Variants in CCDC171 observed in about 807,000 individuals in gnomAD.
CCDC171 encodes coiled-coil domain containing 171.
Under a neutral mutation model 168.2 loss-of-function variants are expected in CCDC171, and 177 were observed. The ratio of observed to expected loss-of-function variants is 1.05; its 90% CI spans 0.93 to 1.19. CCDC171 has a LOEUF of 1.19. Ranked by LOEUF, CCDC171 falls within the 50% of genes most tolerant of loss-of-function variation. CCDC171 has a pLI of 0.00. For missense variants in CCDC171, 1,991 were observed against 1,539.0 expected, an observed-to-expected ratio of 1.29 and a Z score of -4.91; for synonymous variants, 687 against 540.8, an observed-to-expected ratio of 1.27 and a Z score of -3.75.
chr9:15,774,875 G>T (rs369048406), intron 18 of CCDC171, among the ~76,000 whole-genome samples: 1 of 152,212 alleles, frequency 6.6e-6, no homozygotes, highest in African/African-American at 2.4e-5. Context: ...AACATGGTAT[G>T]TTCTCACTCA....
Position 15,612,158 on chromosome 9 carries a change from C to T in CCDC171, c.676-11109C>T, listed in dbSNP as rs150460325. 8.7e-3 allele frequency among the ~76,000 whole-genome samples: 1,328 copies of T among 152,234 alleles called. 10 individuals carry two copies. Among genetic ancestry groups the T allele is most frequent in the Non-Finnish European group, 0.014 (976 of 68,012 alleles). On this transcript the variant is annotated intron_variant, in intron 6 of 25. Transcript: ENST00000380701. ...TACATTTCTGTTTTTTATAAACTGC[C>T]TAGTTTATGGTATATCTTGTTATGG...
At chr9:15,969,273 G>A (rs557030301) in intron 25 of CCDC171, among the ~76,000 whole-genome samples, 16 of 152,314 alleles carry the variant, frequency 1.1e-4, no homozygotes, top group African/African-American at 3.6e-4. Flanking sequence ...GGACCTCTTT[G>A]TAGGTTACCA....
intron 10 of CCDC171, among the ~76,000 whole-genome samples, chr9:15,687,764 A>C (rs1407572444): frequency 2.0e-5 from 3 of 152,218 alleles, no homozygotes; most frequent in African/African-American, 7.2e-5. Flanking sequence ...TATGCCAACA[A>C]ATTAGATAAT....
chr9:15,878,688 C>G lies in CCDC171; in HGVS notation c.3600+4025C>G, dbSNP rs145782172. Among the ~76,000 whole-genome samples, 477 of 152,206 alleles carry G rather than the reference C, an allele frequency of 3.1e-3. 5 individuals carry two copies. Among genetic ancestry groups the G allele is most frequent in the Non-Finnish European group, 2.3e-3 (158 of 67,992 alleles). ...AAAGACACATGCAGGCATATGTTCA[C>G]TGTAGCACTAGTCACAATAGCAAAA... is the stretch of plus-strand genomic sequence containing the variant. On this transcript the variant is annotated intron_variant, in intron 24 of 25. Coordinates refer to ENST00000380701, the MANE Select transcript of CCDC171 (RefSeq NM_173550.4).
chr9:15,587,606 G>C (rs2041662742), intron 4 of CCDC171: 1 of 456,410 alleles, frequency 2.2e-6, no homozygotes, highest in Non-Finnish European at 4.4e-6. Context: ...ACTGATGTTG[G>C]AGGTTTCCCA....
At chr9:15,761,720 CTGAG>C (rs2056454294) in intron 18 of CCDC171, among the ~76,000 whole-genome samples, 1 of 152,152 alleles carries the variant, frequency 6.6e-6, no homozygotes. Flanking sequence ...CACAATCTGA[CTGAG>C]TATCGTTTCT....
chr9:15,565,232 G>T (rs2039636614), intron 2 of CCDC171, among the ~76,000 whole-genome samples: 1 of 151,938 alleles, frequency 6.6e-6, no homozygotes, highest in East Asian at 1.9e-4. Context: ...GGGATTATAG[G>T]CGCCTGCTGC....
chr9:15,648,784 G>C (rs1161157062), intron 7 of CCDC171, among the ~76,000 whole-genome samples: 1 of 152,128 alleles, frequency 6.6e-6, no homozygotes. Flanking sequence ...CATGCTCATG[G>C]ATAGGAAGAA....
the CCDC171 span, among the ~76,000 whole-genome samples, chr9:16,089,105 T>A: frequency 6.6e-6 from 1 of 152,068 alleles, no homozygotes; most frequent in Non-Finnish European, 1.5e-5. Flanking sequence ...AAACAAGCAA[T>A]GGGGAAAATA....
At chr9:15,967,758 C>T (rs529980950) in intron 25 of CCDC171, among the ~76,000 whole-genome samples, 33 of 152,280 alleles carry the variant, frequency 2.2e-4, no homozygotes, top group African/African-American at 7.2e-4. Flanking sequence ...ATGTGCTTAG[C>T]ATAATCTCCA....
the CCDC171 span, among the ~76,000 whole-genome samples, chr9:16,108,811 C>T: frequency 6.6e-6 from 1 of 152,130 alleles, no homozygotes. Context: ...GAGCAAAAGC[C>T]TCCTGAAGCC....
chr9:15,979,737 G>A (rs1831734606), intron 3 of CCDC171, among the ~76,000 whole-genome samples: 1 of 151,716 alleles, frequency 6.6e-6, no homozygotes, highest in Non-Finnish European at 1.5e-5. Flanking sequence ...AAAATAAGGA[G>A]TATTTGTTTG....
chr9:16,062,681 C>T (rs1833947078), downstream of CCDC171, among the ~76,000 whole-genome samples: 1 of 152,228 alleles, frequency 6.6e-6, no homozygotes, highest in Non-Finnish European at 1.5e-5. Context: ...ACTTGTGGTA[C>T]ACACTTCAGA....
intron 25 of CCDC171, among the ~76,000 whole-genome samples, chr9:15,957,870 C>T (rs112931909): frequency 2.0e-5 from 3 of 151,936 alleles, no homozygotes; most frequent in African/African-American, 7.2e-5. Flanking sequence ...TCTTAGTGGC[C>T]TAAGGTAAAA....
intron 4 of CCDC171, among the ~76,000 whole-genome samples, chr9:15,582,584 A>G (rs1481959891): frequency 1.3e-5 from 2 of 152,216 alleles, no homozygotes; most frequent in African/African-American, 4.8e-5. Context: ...TATATACACC[A>G]TGGAATACTA....
intron 6 of CCDC171, among the ~76,000 whole-genome samples, chr9:15,595,369 A>T (rs935068079): frequency 1.3e-5 from 2 of 152,080 alleles, no homozygotes; most frequent in Non-Finnish European, 2.9e-5. Context: ...TCACTGTTCA[A>T]TTCCCACCTA....
chr9:15,945,977 A>T (rs1488539304), intron 25 of CCDC171, among the ~76,000 whole-genome samples: 1 of 151,124 alleles, frequency 6.6e-6, no homozygotes, highest in East Asian at 2.0e-4. Flanking sequence ...CTGAATGGTA[A>T]TGCCTAGGTT....
Position 15,678,911 on chromosome 9 carries a change from G to T in CCDC171, c.1215+15G>T. 6.4e-7 allele frequency: 1 copy of T among 1,561,458 alleles called. No homozygotes were observed. Among genetic ancestry groups the T allele is most frequent in the Non-Finnish European group, 8.6e-7 (1 of 1,157,300 alleles). Reference sequence around the variant, plus strand: ...AACTAGTAATGGTAAGGATAAAAAAGAAAACCCTATGGAAATCACTTTATT... The same window carrying T: ...AACTAGTAATGGTAAGGATAAAAAATAAAACCCTATGGAAATCACTTTATT... On this transcript the variant is annotated intron_variant, in intron 10 of 25. Transcript: ENST00000380701.
intron 7 of CCDC171, among the ~76,000 whole-genome samples, chr9:15,646,041 T>C (rs201176800): frequency 3.9e-5 from 6 of 152,108 alleles, no homozygotes; most frequent in Non-Finnish European, 7.4e-5. Flanking sequence ...AGACTAACAG[T>C]GGATCTCTCA....
Sources: allele counts gnomAD v4.1 joint callset (sites outside exome capture counted in the v4.1 genomes callset), GRCh38; gene constraint gnomAD v4.1.1; transcripts MANE v1.5; gene names NCBI Gene and HGNC (gene_info 2026-07-23, HGNC 2026-07-21).